Variants in SLC1A3 observed in about 807,000 individuals in gnomAD.
The protein encoded by SLC1A3 is solute carrier family 1 member 3.
Under a neutral mutation model 48.1 loss-of-function variants are expected in SLC1A3, and 21 were observed. The observed-to-expected ratio is 0.44, with a 90% CI of 0.31 to 0.63. The LOEUF is 0.63. Among genes scored for constraint, SLC1A3 ranks in the 20% least tolerant of loss-of-function variants. SLC1A3 has a pLI of 0.08. For synonymous variants in SLC1A3, 239 were observed against 251.4 expected (o/e 0.95, Z 0.47); for missense variants, 546 against 689.0 (o/e 0.79, Z 2.32).
intron 3 of SLC1A3, among the ~76,000 whole-genome samples, chr5:36,639,811 A>G (rs1740539466): frequency 6.6e-6 from 1 of 152,244 alleles, no homozygotes; most frequent in African/African-American, 2.4e-5. Flanking sequence ...ATATAAGGGA[A>G]AACATGAAAG....
chr5:36,676,374 T>C (rs1324339343), intron 5 of SLC1A3, among the ~76,000 whole-genome samples: 1 of 152,216 alleles, frequency 6.6e-6, no homozygotes, highest in Non-Finnish European at 1.5e-5. Context: ...ACAACAACAC[T>C]GTGAGGTAGA....
chr5:36,654,197 G>A (rs531298610), intron 3 of SLC1A3, among the ~76,000 whole-genome samples: 11 of 152,156 alleles, frequency 7.2e-5, no homozygotes, highest in Non-Finnish European at 1.5e-4. Flanking sequence ...CCACATCTGA[G>A]GGGTTCTTAC....
intron 3 of SLC1A3, among the ~76,000 whole-genome samples, chr5:36,660,370 GA>G (rs1394714636): frequency 6.6e-6 from 1 of 151,520 alleles, no homozygotes; most frequent in Non-Finnish European, 1.5e-5. Flanking sequence ...AATACTCCTT[GA>G]AAAAAAACAT....
intron 3 of SLC1A3, chr5:36,670,723 G>C (rs1427650126): frequency 4.5e-6 from 2 of 441,646 alleles, no homozygotes; most frequent in Non-Finnish European, 8.5e-6. Flanking sequence ...CAGTAACCTA[G>C]GAAACAATCT....
At chr5:36,621,443 C>G (rs972451475) in intron 2 of SLC1A3, among the ~76,000 whole-genome samples, 2 of 152,058 alleles carry the variant, frequency 1.3e-5, no homozygotes, top group African/African-American at 4.8e-5. Flanking sequence ...TGGGCTTTGA[C>G]TACATGAGAG....
At chr5:36,638,213 T>C (rs556767561) in intron 3 of SLC1A3, among the ~76,000 whole-genome samples, 22 of 152,288 alleles carry the variant, frequency 1.4e-4, no homozygotes, top group Non-Finnish European at 1.2e-4. Flanking sequence ...CATAGAGGCT[T>C]CTTGAAGGTA....
At chr5:36,636,991 C>T (rs1457037541) in intron 3 of SLC1A3, among the ~76,000 whole-genome samples, 1 of 152,132 alleles carries the variant, frequency 6.6e-6, no homozygotes, top group Non-Finnish European at 1.5e-5. Context: ...TGTTATTTGG[C>T]ACAATTAGGA....
chr5:36,643,011 C>T (rs905750466), intron 3 of SLC1A3, among the ~76,000 whole-genome samples: 3 of 152,124 alleles, frequency 2.0e-5, no homozygotes, highest in African/African-American at 4.8e-5. Context: ...ATCACATGTC[C>T]ATATTCCATA....
chr5:36,627,789 A>G (rs1303506607), intron 2 of SLC1A3, among the ~76,000 whole-genome samples: 2 of 152,214 alleles, frequency 1.3e-5, no homozygotes, highest in East Asian at 1.9e-4. Context: ...GGAAACACAT[A>G]AAGGGGTTAA....
rs1741973051 is a variant in SLC1A3, at chr5:36,671,052, G to T, written c.343G>T (p.Ala115Ser). The T allele has an allele frequency of 1.9e-6, 3 of 1,613,840 alleles. No homozygotes were observed. Among genetic ancestry groups the T allele is most frequent in the Non-Finnish European group, 2.5e-6 (3 of 1,179,864 alleles). Reference sequence around the variant, plus strand: ...AGGAATGGCGGCGCTAGATAGTAAGGCATCAGGGAAGATGGGAATGCGAGC... The same window carrying T: ...AGGAATGGCGGCGCTAGATAGTAAGTCATCAGGGAAGATGGGAATGCGAGC... The part of the protein sequence containing the change: ...VTGMAALDSK[A>S]SGKMGMRAVV... The change falls in exon 4 of 10, where the codon GCA becomes TCA. Residue 115 changes from alanine (A) to serine (S), a missense_variant. Transcript: ENST00000265113.
intron 2 of SLC1A3, among the ~76,000 whole-genome samples, chr5:36,610,776 A>G (rs1739160982): frequency 6.6e-6 from 1 of 152,176 alleles, no homozygotes; most frequent in Non-Finnish European, 1.5e-5. Flanking sequence ...GATTTGTGAG[A>G]ATTGCAATAA....
At chr5:36,646,903 G>A (rs1740862673) in intron 3 of SLC1A3, among the ~76,000 whole-genome samples, 1 of 152,144 alleles carries the variant, frequency 6.6e-6, no homozygotes, top group Non-Finnish European at 1.5e-5. Flanking sequence ...CTGCCTCAGT[G>A]GAGTACAAAG....
intron 3 of SLC1A3, among the ~76,000 whole-genome samples, chr5:36,634,888 G>A (rs977958562): frequency 6.6e-6 from 1 of 152,120 alleles, no homozygotes; most frequent in African/African-American, 2.4e-5. Flanking sequence ...CGGTCCTTTG[G>A]CTTCAGAGAG....
At chr5:36,656,216 G>T (rs186015935) in intron 3 of SLC1A3, among the ~76,000 whole-genome samples, 2 of 152,212 alleles carry the variant, frequency 1.3e-5, no homozygotes, top group East Asian at 3.9e-4. Flanking sequence ...CTTCTGAAAG[G>T]TCATTGTTAT....
chr5:36,612,069 G>T (rs373439664), intron 2 of SLC1A3, among the ~76,000 whole-genome samples: 7 of 143,150 alleles, frequency 4.9e-5, no homozygotes, highest in Non-Finnish European at 1.1e-4. Flanking sequence ...TGGCGCACGC[G>T]CACACACACA....
At position 36,678,062 on chromosome 5, in the gene SLC1A3, G is replaced by A. The variant is rs1437920596; in HGVS notation, c.860+878G>A. 2.6e-5 allele frequency among the ~76,000 whole-genome samples: 4 copies of A among 152,220 alleles called. No homozygotes were observed. In the East Asian group the frequency reaches 5.8e-4, roughly 22 times the overall value. The stretch of plus-strand genomic sequence containing the variant: ...AAACTTTACCCAACGGGGAGAGAAC[G>A]CTTTGATTGACCTAGGCTTTGTGTG... On this transcript the variant is annotated intron_variant, in intron 6 of 9. Transcript: ENST00000265113.
intron 3 of SLC1A3, among the ~76,000 whole-genome samples, chr5:36,635,112 A>C (rs1026481310): frequency 3.3e-5 from 5 of 152,104 alleles, no homozygotes; most frequent in African/African-American, 1.2e-4. Context: ...ATTTATGGAC[A>C]AGAAAAGGAG....
intron 4 of SLC1A3, among the ~76,000 whole-genome samples, chr5:36,673,164 G>T (rs1470169703): frequency 6.6e-6 from 1 of 151,988 alleles, no homozygotes; most frequent in African/African-American, 2.4e-5. Context: ...AAAACAGGAT[G>T]ATCTAGTAGG....
At chr5:36,652,408 G>A (rs1481780026) in intron 3 of SLC1A3, among the ~76,000 whole-genome samples, 4 of 152,150 alleles carry the variant, frequency 2.6e-5, no homozygotes, top group African/African-American at 9.7e-5. Flanking sequence ...GGTAAATTGA[G>A]TTTGCGCTAC....
Sources: allele counts gnomAD v4.1 joint callset (sites outside exome capture counted in the v4.1 genomes callset), GRCh38; gene constraint gnomAD v4.1.1; transcripts MANE v1.5; gene names NCBI Gene and HGNC (gene_info 2026-07-23, HGNC 2026-07-21).